The following RGS6 variants were observed in gnomAD, a reference collection of about 807,000 sequenced individuals.
The protein encoded by RGS6 is regulator of G-protein signaling 6.
In RGS6, 30 loss-of-function variants were observed where a neutral mutation model predicts 78.5. The observed-to-expected ratio is 0.38, with a 90% CI of 0.29 to 0.52. RGS6 has a LOEUF of 0.52. Among genes scored for constraint, RGS6 ranks in the 20% least tolerant of loss-of-function variants. The pLI is 0.85. For missense variants in RGS6, 495 were observed against 609.7 expected, an observed-to-expected ratio of 0.81 and a Z score of 1.98; for synonymous variants, 206 against 206.0, an observed-to-expected ratio of 1.00 and a Z score of 0.00.
intron 2 of RGS6, among the ~76,000 whole-genome samples, chr14:72,250,489 G>A (rs1028208657): frequency 1.3e-5 from 2 of 150,766 alleles, no homozygotes; most frequent in Admixed American, 6.6e-5. Context: ...GTATAACTAT[G>A]AAGTAAAATA....
At chr14:72,223,902 G>A (rs1339315521) in intron 2 of RGS6, among the ~76,000 whole-genome samples, 1 of 152,246 alleles carries the variant, frequency 6.6e-6, no homozygotes, top group East Asian at 1.9e-4. Flanking sequence ...TGTGTGGTTA[G>A]TAAGCACCCC....
At chr14:72,620,104 G>A in the RGS6 span, 1 of 1,033,530 alleles carries the variant, frequency 9.7e-7, no homozygotes, top group Admixed American at 2.9e-5. Flanking sequence ...CCCTTTCCAG[G>A]CCCCACTTGG....
intron 2 of RGS6, among the ~76,000 whole-genome samples, chr14:72,052,967 TTCTTTCTTTCTTTCTTTCTC>T (rs1471791922): frequency 1.1e-3 from 51 of 45,490 alleles, no homozygotes; most frequent in Middle Eastern, 0.012. Flanking sequence ...CTTTCTTTCT[TTCTTTCTTTCTTTCTTTCTC>T]TCTCTCTCTC....
At chr14:72,299,229 T>G (rs981790479) in intron 2 of RGS6, among the ~76,000 whole-genome samples, 3 of 152,204 alleles carry the variant, frequency 2.0e-5, no homozygotes, top group Non-Finnish European at 2.9e-5. Flanking sequence ...TTAGAACATT[T>G]TTATCACCCT....
chr14:71,947,345 G>C (rs531052045), intron 1 of RGS6, among the ~76,000 whole-genome samples: 1 of 152,182 alleles, frequency 6.6e-6, no homozygotes, highest in African/African-American at 2.4e-5. Flanking sequence ...CAAAGCATAT[G>C]CTGCCAATTC....
At chr14:72,583,179 C>G in the RGS6 span, among the ~76,000 whole-genome samples, 1 of 152,190 alleles carries the variant, frequency 6.6e-6, no homozygotes, top group East Asian at 1.9e-4. Context: ...AGTAACACCA[C>G]CAGCCCTCCT....
At chr14:72,249,884 T>A (rs924692340) in intron 2 of RGS6, among the ~76,000 whole-genome samples, 1 of 151,952 alleles carries the variant, frequency 6.6e-6, no homozygotes, top group African/African-American at 2.4e-5. Flanking sequence ...ATGTGGCACA[T>A]ATACACCATG....
At chr14:72,189,263 G>A (rs969022675) in intron 2 of RGS6, among the ~76,000 whole-genome samples, 1 of 152,184 alleles carries the variant, frequency 6.6e-6, no homozygotes, top group Admixed American at 6.5e-5. Flanking sequence ...AAAGTGGGCA[G>A]TTCGTTTATT....
rs113255234 is a variant in RGS6 at position 72,459,433 on chromosome 14, C to G, written c.343-199C>G. 0.015 allele frequency among the ~76,000 whole-genome samples: 2,289 copies of G among 152,318 alleles called. 58 individuals carry two copies. The highest frequency in any genetic ancestry group is 0.053 in the African/African-American group (2,182 of 41,558). On this transcript the variant is annotated intron_variant, in intron 5 of 17. Transcript: ENST00000553525. ...AACATTTTTGCATTTGTTTTGCTTACTTACATTTTGCTTCTCAATGCCTAG... is the reference window on the plus strand; with the variant it reads ...AACATTTTTGCATTTGTTTTGCTTAGTTACATTTTGCTTCTCAATGCCTAG...
Position 72,196,432 on chromosome 14 carries a change from G to T in RGS6, c.85-155663G>T, listed in dbSNP as rs1051035254. Among the ~76,000 whole-genome samples the T allele has an allele frequency of 2.0e-5, 3 of 152,202 alleles. No individual in the cohort carries two copies. The South Asian group carries it at 6.2e-4, about 31-fold the overall frequency. ...TGTCCCCCATCGGGTGGGAGGAGCAGAGCTGAGCCTCCCCACAGTTGCTGT... is the reference window on the plus strand; with the variant it reads ...TGTCCCCCATCGGGTGGGAGGAGCATAGCTGAGCCTCCCCACAGTTGCTGT... On this transcript the variant is annotated intron_variant, in intron 2 of 17. Coordinates refer to ENST00000553525, the MANE Select transcript of RGS6 (RefSeq NM_001204424.2).
chr14:71,919,786 G>A, the RGS6 span, among the ~76,000 whole-genome samples: 1 of 152,094 alleles, frequency 6.6e-6, no homozygotes, highest in South Asian at 2.1e-4. Context: ...TTGAGGTCAG[G>A]AGTTTGAGAC....
In RGS6 at chr14:72,409,849, T is replaced by C. The variant is rs191934667; in HGVS notation, c.185-44679T>C. On this transcript the variant is annotated intron_variant, in intron 3 of 17. Transcript: ENST00000553525. ...TGTTCTTGCAATAGTTTGCTGAGAA[T>C]GATGGTTTCCAGCTTCATCCATGTC... Among the ~76,000 whole-genome samples, 103 of 152,296 alleles carry C rather than the reference T, an allele frequency of 6.8e-4. 1 individual carries two copies. The East Asian group carries it at 0.019, about 28-fold the overall frequency.
chr14:71,933,894 G>A (rs911302949), intron 1 of RGS6, among the ~76,000 whole-genome samples: 1 of 152,150 alleles, frequency 6.6e-6, no homozygotes, highest in Non-Finnish European at 1.5e-5. Context: ...GTATCAAAAT[G>A]GAGTTAGAGA....
chr14:72,187,490 G>A (rs557044302), intron 2 of RGS6, among the ~76,000 whole-genome samples: 3 of 152,314 alleles, frequency 2.0e-5, no homozygotes, highest in Admixed American at 6.5e-5. Flanking sequence ...TGGTGGACTT[G>A]AGTGTCTACT....
intron 2 of RGS6, among the ~76,000 whole-genome samples, chr14:72,151,452 C>T (rs1343405890): frequency 6.6e-6 from 1 of 152,176 alleles, no homozygotes; most frequent in African/African-American, 2.4e-5. Flanking sequence ...AGCATGGTTA[C>T]AGGAAGACTG....
intron 2 of RGS6, among the ~76,000 whole-genome samples, chr14:72,081,486 T>G (rs1415863883): frequency 6.6e-6 from 1 of 152,120 alleles, no homozygotes; most frequent in African/African-American, 2.4e-5. Flanking sequence ...TATGTATTTC[T>G]GCTGTTCTGG....
intron 2 of RGS6, among the ~76,000 whole-genome samples, chr14:71,973,283 G>A (rs757134672): frequency 2.0e-5 from 3 of 151,784 alleles, no homozygotes; most frequent in East Asian, 3.9e-4. Flanking sequence ...AAAGTGAACC[G>A]AGCCAAAACT....
intron 2 of RGS6, among the ~76,000 whole-genome samples, chr14:72,176,752 G>T (rs1368744066): frequency 1.3e-5 from 2 of 152,132 alleles, no homozygotes; most frequent in Non-Finnish European, 1.5e-5. Context: ...ACTGGAAGAG[G>T]CTGAAAATAT....
intron 2 of RGS6, among the ~76,000 whole-genome samples, chr14:72,114,271 A>T (rs890459468): frequency 6.6e-6 from 1 of 152,182 alleles, no homozygotes; most frequent in East Asian, 1.9e-4. Context: ...TCTGTCAATG[A>T]TGTCCCCCAC....
Sources: gnomAD v4.1 joint callset for allele counts (sites outside exome capture counted in the v4.1 genomes callset) on GRCh38, gnomAD v4.1.1 for gene constraint, MANE v1.5 for transcripts, NCBI Gene and HGNC (gene_info 2026-07-23, HGNC 2026-07-21) for gene names.